Variants in CMSS1 observed in about 807,000 individuals in gnomAD.
CMSS1 encodes the protein cms1 ribosomal small subunit homolog, also known as protein CMSS1.
Under a neutral mutation model 43.5 loss-of-function variants are expected in CMSS1, and 33 were observed. That is an observed-to-expected ratio of 0.76 (90% CI 0.57 to 1.01). The LOEUF (loss-of-function observed/expected upper bound fraction) is 1.01. CMSS1 is among the 50% of genes least tolerant of loss of function. The pLI is 0.00. For missense variants in CMSS1, 313 were observed against 326.4 expected, an observed-to-expected ratio of 0.96 and a Z score of 0.32; for synonymous variants, 115 against 117.2, an observed-to-expected ratio of 0.98 and a Z score of 0.12.
chr3:99,994,839 T>C (rs554974589), intron 1 of CMSS1, among the ~76,000 whole-genome samples: 7 of 152,278 alleles, frequency 4.6e-5, no homozygotes, highest in Admixed American at 2.0e-4. Context: ...ATGAGACTTA[T>C]TCACTACCAC....
chr3:100,138,681 A>C (rs1005808945), intron 1 of CMSS1, among the ~76,000 whole-genome samples: 2 of 152,252 alleles, frequency 1.3e-5, no homozygotes, highest in African/African-American at 2.4e-5. Flanking sequence ...TTAAAAAGTC[A>C]AGAAACAATA....
At chr3:100,141,983 C>T (rs2066809255) in intron 1 of CMSS1, among the ~76,000 whole-genome samples, 1 of 152,286 alleles carries the variant, frequency 6.6e-6, no homozygotes, top group South Asian at 2.1e-4. Flanking sequence ...ATGGAAATCA[C>T]AGAACTAGCA....
intron 1 of CMSS1, among the ~76,000 whole-genome samples, chr3:100,089,846 C>A (rs2066072966): frequency 6.6e-6 from 1 of 152,098 alleles, no homozygotes; most frequent in Non-Finnish European, 1.5e-5. Context: ...CCATTTTTGC[C>A]ACCTACTAGT....
intron 1 of CMSS1, among the ~76,000 whole-genome samples, chr3:99,861,267 T>C (rs1423679863): frequency 1.3e-5 from 2 of 152,240 alleles, no homozygotes; most frequent in Non-Finnish European, 2.9e-5. Flanking sequence ...TTCAGGTAGA[T>C]GTCCCCTTAA....
intron 1 of CMSS1, among the ~76,000 whole-genome samples, chr3:99,818,780 A>C (rs1042877887): frequency 3.7e-4 from 56 of 152,340 alleles, no homozygotes; most frequent in African/African-American, 1.3e-3. Context: ...TTCAGTTAAC[A>C]CAATTTGAAT....
intron 1 of CMSS1, among the ~76,000 whole-genome samples, chr3:100,021,620 C>T (rs1277003000): frequency 1.3e-5 from 2 of 152,092 alleles, no homozygotes; most frequent in African/African-American, 4.8e-5. Context: ...ACTGGCCCTC[C>T]ATAGAGCACT....
At chr3:99,848,168 C>G in intron 1 of CMSS1, 1 of 1,533,022 alleles carries the variant, frequency 6.5e-7, no homozygotes, top group South Asian at 1.3e-5. Context: ...CACAAACCTT[C>G]CCAAAGTACG....
At chr3:100,086,016 G>A (rs2066003159) in intron 1 of CMSS1, among the ~76,000 whole-genome samples, 1 of 152,206 alleles carries the variant, frequency 6.6e-6, no homozygotes, top group South Asian at 2.1e-4. Context: ...TAGTTGAAAA[G>A]TACATCTGCA....
chr3:100,021,952 TGTGTGTGTGAGA>T lies in CMSS1; in HGVS notation c.65-125019_65-125008del, dbSNP rs1399535667. ...GTGTGTGTGTGTGTGTGTGTGTGTG[TGTGTGTGTGAGA>T]GAGAGAGAGAGAGAGAGAGAGAGAG... On this transcript the variant is annotated intron_variant, in intron 1 of 9. Coordinates refer to ENST00000421999, the MANE Select transcript of CMSS1 (RefSeq NM_032359.4). Among the ~76,000 whole-genome samples the T allele has an allele frequency of 6.8e-4, 76 of 111,512 alleles. 1 individual carries two copies. The highest frequency in any genetic ancestry group is 4.4e-3 in the South Asian group (14 of 3,174). The allele number at this position is 111,512 out of a possible 152,430, so 73.2% of individuals were successfully genotyped here. A position where few individuals can be genotyped will look rare whatever the true frequency, so the allele number is the denominator to read the frequency against.
At chr3:100,100,852 T>C (rs953109472) in intron 1 of CMSS1, among the ~76,000 whole-genome samples, 2 of 152,168 alleles carry the variant, frequency 1.3e-5, no homozygotes, top group African/African-American at 4.8e-5. Context: ...TGAAGAGAAT[T>C]CTTTCAGGCA....
At chr3:100,168,635 C>A (rs1206266770) in intron 6 of CMSS1, among the ~76,000 whole-genome samples, 1 of 151,934 alleles carries the variant, frequency 6.6e-6, no homozygotes, top group Non-Finnish European at 1.5e-5. Flanking sequence ...AAAATGTATA[C>A]CATATTCTTG....
intron 2 of CMSS1, among the ~76,000 whole-genome samples, chr3:100,156,299 C>CTTTTT (rs34413816): frequency 3.4e-4 from 25 of 73,052 alleles, no homozygotes; most frequent in Non-Finnish European, 4.1e-4. Context: ...AATTTTTTTT[C>CTTTTT]TTTTTTTTTT....
At chr3:99,980,948 C>T (rs1332214646) in intron 1 of CMSS1, among the ~76,000 whole-genome samples, 3 of 152,050 alleles carry the variant, frequency 2.0e-5, no homozygotes, top group African/African-American at 7.2e-5. Context: ...GTTTGCTGGA[C>T]AATTGGGACC....
chr3:100,073,467 G>C (rs191730762), intron 1 of CMSS1, among the ~76,000 whole-genome samples: 1 of 152,270 alleles, frequency 6.6e-6, no homozygotes, highest in East Asian at 1.9e-4. Flanking sequence ...CGAAAAGACT[G>C]GGGTAGAGGA....
chr3:99,938,005 A>C (rs1168255243), intron 1 of CMSS1, among the ~76,000 whole-genome samples: 2 of 152,134 alleles, frequency 1.3e-5, no homozygotes, highest in Non-Finnish European at 2.9e-5. Context: ...CAAATAAATT[A>C]ATATCAATTT....
rs552289321 is a variant in CMSS1 at position 99,828,952 on chromosome 3, A to G, written c.64+10909A>G. Among the ~76,000 whole-genome samples, 25 of 151,558 alleles carry G rather than the reference A, an allele frequency of 1.6e-4. No individual in the cohort carries two copies. The South Asian group carries it at 2.7e-3, about 16-fold the overall frequency. On this transcript the variant is annotated intron_variant, in intron 1 of 9. Coordinates refer to ENST00000421999, the MANE Select transcript of CMSS1 (RefSeq NM_032359.4). ...TCAATGCTGCCCATCATCCCTCTCA[A>G]TGCTGCCCATCATCCCTTTCAATGC...
At chr3:100,046,998 T>C (rs916420534) in intron 1 of CMSS1, among the ~76,000 whole-genome samples, 31 of 152,330 alleles carry the variant, frequency 2.0e-4, no homozygotes, top group African/African-American at 7.5e-4. Flanking sequence ...ATATAATAAT[T>C]GACTATCAAC....
intron 1 of CMSS1, among the ~76,000 whole-genome samples, chr3:100,125,392 A>G (rs563105045): frequency 6.6e-6 from 1 of 152,310 alleles, no homozygotes; most frequent in East Asian, 1.9e-4. Flanking sequence ...TGGGAGACAC[A>G]TCTGTTTGCA....
chr3:99,916,195 A>G (rs1047212713), intron 1 of CMSS1, among the ~76,000 whole-genome samples: 1 of 152,192 alleles, frequency 6.6e-6, no homozygotes, highest in Non-Finnish European at 1.5e-5. Flanking sequence ...TGGAACAGAA[A>G]GCTGAAGGCA....
Sources: allele counts gnomAD v4.1 joint callset (sites outside exome capture counted in the v4.1 genomes callset), GRCh38; gene constraint gnomAD v4.1.1; transcripts MANE v1.5; gene names NCBI Gene and HGNC (gene_info 2026-07-23, HGNC 2026-07-21).